RGS6: variants seen among roughly 807,000 people sequenced by gnomAD.
The protein encoded by RGS6 is regulator of G-protein signaling 6.
Under a neutral mutation model 78.5 loss-of-function variants are expected in RGS6, and 30 were observed. The ratio of observed to expected loss-of-function variants is 0.38; its 90% CI spans 0.29 to 0.52. The LOEUF (loss-of-function observed/expected upper bound fraction) is 0.52. Among genes scored for constraint, RGS6 ranks in the 20% least tolerant of loss-of-function variants. The probability of loss-of-function intolerance (pLI) is 0.85; values close to 1 mark genes in which losing one functional copy is unlikely to be tolerated. For missense variants in RGS6, 495 were observed against 609.7 expected (o/e 0.81, Z 1.98); for synonymous variants, 206 against 206.0 (o/e 1.00, Z 0.00).
chr14:71,999,413 CAGG>C (rs2082964974), intron 2 of RGS6, among the ~76,000 whole-genome samples: 1 of 152,160 alleles, frequency 6.6e-6, no homozygotes, highest in Admixed American at 6.5e-5. Context: ...GCATTTTTGA[CAGG>C]AGAAATCAGA....
intron 3 of RGS6, among the ~76,000 whole-genome samples, chr14:72,401,923 A>G (rs137874741): frequency 2.0e-5 from 3 of 152,326 alleles, no homozygotes; most frequent in East Asian, 3.9e-4. Context: ...ATATTTGAGG[A>G]TATTTTAATA....
At chr14:72,308,081 T>A (rs1328136138) in intron 2 of RGS6, among the ~76,000 whole-genome samples, 6 of 152,238 alleles carry the variant, frequency 3.9e-5, no homozygotes, top group African/African-American at 1.4e-4. Flanking sequence ...TATTCTAATT[T>A]TCCAGGTGTA....
At chr14:72,533,518 G>A (rs998337300) in intron 15 of RGS6, among the ~76,000 whole-genome samples, 6 of 152,224 alleles carry the variant, frequency 3.9e-5, no homozygotes, top group African/African-American at 1.4e-4. Context: ...TAAAGCTATA[G>A]CTGTCACAGA....
chr14:72,444,223 G>C (rs2095298650), intron 3 of RGS6, among the ~76,000 whole-genome samples: 1 of 152,210 alleles, frequency 6.6e-6, no homozygotes, highest in Non-Finnish European at 1.5e-5. Flanking sequence ...ACCCATTTCA[G>C]ACACCTCGCC....
At chr14:72,325,867 G>A (rs2073608956) in intron 2 of RGS6, among the ~76,000 whole-genome samples, 1 of 152,028 alleles carries the variant, frequency 6.6e-6, no homozygotes, top group African/African-American at 2.4e-5. Flanking sequence ...ATTTCACATT[G>A]ACAAGGATCA....
chr14:71,888,839 T>C, the RGS6 span, among the ~76,000 whole-genome samples: 4 of 152,290 alleles, frequency 2.6e-5, no homozygotes, highest in Non-Finnish European at 4.4e-5. Context: ...CTAAAAAATA[T>C]ATCCTTAGTG....
chr14:72,475,980 G>A (rs2096236204), intron 10 of RGS6, among the ~76,000 whole-genome samples: 1 of 151,924 alleles, frequency 6.6e-6, no homozygotes. Context: ...TCATCTTCAA[G>A]AGCCCCATAA....
At chr14:72,094,425 A>T (rs982508870) in intron 2 of RGS6, among the ~76,000 whole-genome samples, 4 of 152,144 alleles carry the variant, frequency 2.6e-5, no homozygotes, top group Non-Finnish European at 5.9e-5. Flanking sequence ...GGTGACCCCC[A>T]CTTTTCTTTT....
At chr14:72,460,169 G>A (rs938823994) in intron 6 of RGS6, among the ~76,000 whole-genome samples, 5 of 152,200 alleles carry the variant, frequency 3.3e-5, no homozygotes, top group Non-Finnish European at 7.3e-5. Context: ...GTATACAGAA[G>A]TCACTCTGGA....
At chr14:72,240,925 G>A (rs957453150) in intron 2 of RGS6, among the ~76,000 whole-genome samples, 16 of 152,098 alleles carry the variant, frequency 1.1e-4, no homozygotes, top group African/African-American at 1.9e-4. Context: ...TTGGGAGGCC[G>A]AGGCAGGTGG....
chr14:72,259,884 C>T (rs112256753), intron 2 of RGS6, among the ~76,000 whole-genome samples: 1,369 of 126,372 alleles, frequency 0.011, 9 homozygotes, highest in South Asian at 0.026. Context: ...GCACTCCAGC[C>T]TGGGTGACAG....
intron 6 of RGS6, among the ~76,000 whole-genome samples, chr14:72,459,933 G>A (rs1821631573): frequency 6.6e-6 from 1 of 152,158 alleles, no homozygotes. Context: ...ATCAAGGGTG[G>A]TCAGTATGTT....
chr14:72,102,464 T>C (rs544449473), intron 2 of RGS6, among the ~76,000 whole-genome samples: 1 of 152,202 alleles, frequency 6.6e-6, no homozygotes, highest in Non-Finnish European at 1.5e-5. Context: ...TTTGTGCATA[T>C]TTATTGCAGT....
chr14:72,091,552 A>G (rs1196284595), intron 2 of RGS6, among the ~76,000 whole-genome samples: 2 of 152,136 alleles, frequency 1.3e-5, no homozygotes, highest in African/African-American at 4.8e-5. Flanking sequence ...TGAGAAGGCA[A>G]TCCCTTTTAA....
chr14:72,012,901 A>G lies in RGS6; in HGVS notation c.84+48026A>G, dbSNP rs1357141979. Among the ~76,000 whole-genome samples, 4 of 152,362 alleles carry G rather than the reference A, an allele frequency of 2.6e-5. No homozygotes were observed. In the East Asian group the frequency reaches 7.7e-4, roughly 29 times the overall value. ...TAAACAAATAATAGTGTAAGCAAACAATAAATTTTAGCAATTGTTTATAAG... is the reference window on the plus strand; with the variant it reads ...TAAACAAATAATAGTGTAAGCAAACGATAAATTTTAGCAATTGTTTATAAG... On this transcript the variant is annotated intron_variant, in intron 2 of 17. Coordinates refer to ENST00000553525, the MANE Select transcript of RGS6 (RefSeq NM_001204424.2).
At chr14:71,917,864 G>C in the RGS6 span, among the ~76,000 whole-genome samples, 5 of 151,976 alleles carry the variant, frequency 3.3e-5, no homozygotes, top group Non-Finnish European at 5.9e-5. Flanking sequence ...TCTTAGCGGT[G>C]GGGTTTTCCT....
the RGS6 span, among the ~76,000 whole-genome samples, chr14:71,920,986 C>G: frequency 6.6e-6 from 1 of 151,826 alleles, no homozygotes; most frequent in Non-Finnish European, 1.5e-5. Flanking sequence ...GTAATATCCA[C>G]AATATATGTG....
chr14:72,418,254 C>T (rs963985846), intron 3 of RGS6, among the ~76,000 whole-genome samples: 2 of 152,002 alleles, frequency 1.3e-5, no homozygotes, highest in African/African-American at 4.8e-5. Context: ...GCAACCTCCA[C>T]CTCCCGGGTT....
At chr14:72,515,730 A>G (rs1450009253) in intron 14 of RGS6, 2 of 152,228 alleles carry the variant, frequency 1.3e-5, no homozygotes, top group Non-Finnish European at 2.9e-5. Flanking sequence ...CAGCTGAGTG[A>G]TGTACATTTT....
Sources: gnomAD v4.1 joint callset for allele counts (sites outside exome capture counted in the v4.1 genomes callset) on GRCh38, gnomAD v4.1.1 for gene constraint, MANE v1.5 for transcripts, NCBI Gene and HGNC (gene_info 2026-07-23, HGNC 2026-07-21) for gene names.